Variants in PHACTR2 observed in about 807,000 individuals in gnomAD.
The protein encoded by PHACTR2 is phosphatase and actin regulator 2, also known as chromosome 6 open reading frame 56.
PHACTR2 carries 30 observed loss-of-function variants against 76.0 expected under a neutral mutation model. That is an observed-to-expected ratio of 0.39 (90% CI 0.30 to 0.54). PHACTR2 has a LOEUF of 0.54. Among genes scored for constraint, PHACTR2 ranks in the 20% least tolerant of loss-of-function variants. The probability of loss-of-function intolerance (pLI) is 0.61; values close to 1 mark genes in which losing one functional copy is unlikely to be tolerated. For missense variants in PHACTR2, 696 were observed against 781.1 expected, an observed-to-expected ratio of 0.89 and a Z score of 1.30; for synonymous variants, 292 against 292.5, an observed-to-expected ratio of 1.00 and a Z score of 0.02.
intron 2 of PHACTR2, among the ~76,000 whole-genome samples, chr6:143,736,796 G>A (rs1435626310): frequency 2.6e-5 from 4 of 151,422 alleles, no homozygotes; most frequent in South Asian, 2.1e-4. Context: ...GGATGGTCTC[G>A]ATCTCCTGAC....
At chr6:143,788,299 C>T (rs1175099633) in intron 10 of PHACTR2, among the ~76,000 whole-genome samples, 1 of 152,088 alleles carries the variant, frequency 6.6e-6, no homozygotes, top group Non-Finnish European at 1.5e-5. Flanking sequence ...TTTATTGGAC[C>T]CTTTCTATGT....
At position 143,698,547 on chromosome 6, in the gene PHACTR2, C is replaced by T. The variant is rs545625394; in HGVS notation, c.47-13469C>T. 1.3e-5 allele frequency among the ~76,000 whole-genome samples: 2 copies of T among 152,200 alleles called. No individual in the cohort carries two copies. The highest frequency in any genetic ancestry group is 4.8e-5 in the African/African-American group (2 of 41,458). ...AGACTAAACCTCTGTAGCCCTCAAA[C>T]AATTTTACCCTGAATTTTAACTCAT... On this transcript the variant is annotated intron_variant, in intron 1 of 12. Coordinates refer to ENST00000440869, the MANE Select transcript of PHACTR2 (RefSeq NM_001100164.2). The surrounding 1 kb of genome is among the most constrained non-coding windows in gnomAD (Gnocchi z 4.3).
intron 2 of PHACTR2, among the ~76,000 whole-genome samples, chr6:143,723,396 A>T (rs1778486006): frequency 6.6e-6 from 1 of 152,156 alleles, no homozygotes; most frequent in Admixed American, 6.5e-5. Flanking sequence ...GCCCTCTTTC[A>T]TGTCCTAAGA....
In PHACTR2 at chr6:143,550,995, C is replaced by T. The variant is rs1045598332; in HGVS notation, c.217+13788C>T. 2.0e-5 allele frequency among the ~76,000 whole-genome samples: 3 copies of T among 151,910 alleles called. No homozygotes were observed. The highest frequency in any genetic ancestry group is 4.4e-5 in the Non-Finnish European group (3 of 67,926). On this transcript the variant is annotated intron_variant, in intron 1 of 11. Coordinates refer to the PHACTR2 transcript ENST00000367584. This position sits in a 1 kb window ranked among gnomAD's most constrained non-coding sequence, Gnocchi z 4.8. ...TGAGACTACATGAACCATGATTGCA[C>T]CACTGCACTCCAGCCTGGGTGACAA...
chr6:143,719,596 T>C (rs1420845949), intron 2 of PHACTR2, among the ~76,000 whole-genome samples: 1 of 147,618 alleles, frequency 6.8e-6, no homozygotes, highest in Admixed American at 6.8e-5. Context: ...GTGATCCACC[T>C]GCCTCGGCCT....
chr6:143,688,917 A>G lies in PHACTR2; in HGVS notation c.46+10708A>G, dbSNP rs541750464. Among the ~76,000 whole-genome samples, 2 of 152,194 alleles carry G rather than the reference A, an allele frequency of 1.3e-5. No homozygotes were observed. The highest frequency in any genetic ancestry group is 2.1e-4 in the South Asian group (1 of 4,830). On this transcript the variant is annotated intron_variant, in intron 1 of 12. Coordinates refer to ENST00000440869, the MANE Select transcript of PHACTR2 (RefSeq NM_001100164.2). The surrounding 1 kb of genome is among the most constrained non-coding windows in gnomAD (Gnocchi z 5.2). Reference sequence around the variant, plus strand: ...GTCCTCCCACTGCACTTGGAATGAAATCCAGATTGCATAGTATGGCCCTCG... The same window carrying G: ...GTCCTCCCACTGCACTTGGAATGAAGTCCAGATTGCATAGTATGGCCCTCG...
chr6:143,799,140 C>A (rs896202253), intron 11 of PHACTR2, among the ~76,000 whole-genome samples: 23 of 152,228 alleles, frequency 1.5e-4, no homozygotes, highest in African/African-American at 5.3e-4. Context: ...AGGAATTTAT[C>A]CATTTCTTCT....
chr6:143,584,868 G>A (rs976433912), intron 1 of PHACTR2, among the ~76,000 whole-genome samples: 3 of 151,894 alleles, frequency 2.0e-5, no homozygotes, highest in Admixed American at 2.0e-4. Context: ...TAGGACTCGG[G>A]CACCAGGGAG....
At chr6:143,660,085 A>G (rs1460998227) in intron 1 of PHACTR2, among the ~76,000 whole-genome samples, 4 of 152,178 alleles carry the variant, frequency 2.6e-5, no homozygotes, top group African/African-American at 9.7e-5. Flanking sequence ...TGTTCTATTG[A>G]CAATACTGCT....
intron 6 of PHACTR2, among the ~76,000 whole-genome samples, chr6:143,771,156 ATGTATATATATATATATG>A (rs1293299935): frequency 3.0e-4 from 12 of 40,156 alleles, no homozygotes; most frequent in African/African-American, 1.1e-3. Flanking sequence ...ATATATATAT[ATGTATATATATATATATG>A]TATATATATA....
chr6:143,670,806 A>G (rs912168773), intron 1 of PHACTR2, among the ~76,000 whole-genome samples: 1 of 152,240 alleles, frequency 6.6e-6, no homozygotes, highest in African/African-American at 2.4e-5. Flanking sequence ...TTTAGCTCAG[A>G]GGAGTTTATT....
chr6:143,748,457 C>T (rs922534073), intron 2 of PHACTR2, among the ~76,000 whole-genome samples: 6 of 152,080 alleles, frequency 3.9e-5, no homozygotes, highest in South Asian at 2.1e-4. Flanking sequence ...TTAGTGAGAA[C>T]GCAGGGGAAA....
chr6:143,779,048 A>G (rs1470892641), intron 9 of PHACTR2, among the ~76,000 whole-genome samples: 2 of 152,246 alleles, frequency 1.3e-5, no homozygotes, highest in African/African-American at 4.8e-5. Context: ...ATTTCTGGAA[A>G]CAGAGGCATA....
rs147435693 is a variant in PHACTR2, at chr6:143,797,472, C to T, written c.1845+8562C>T. ...TGCCGTTTGCTTTTGGCGTTTTAGA[C>T]ATGAAGTCTTTGCCCATGCCTATGT... On this transcript the variant is annotated intron_variant, in intron 11 of 12. Transcript: ENST00000440869. Among the ~76,000 whole-genome samples the T allele has an allele frequency of 2.0e-5, 3 of 152,288 alleles. No homozygotes were observed. The East Asian group carries it at 5.8e-4, about 29-fold the overall frequency.
intron 11 of PHACTR2, among the ~76,000 whole-genome samples, chr6:143,796,508 C>A (rs892874171): frequency 8.6e-5 from 13 of 151,878 alleles, no homozygotes; most frequent in African/African-American, 3.1e-4. Flanking sequence ...GTTTGCTGCA[C>A]CCATCAACCC....
chr6:143,638,587 ACACACACACACACC>A (rs1562255748), intron 1 of PHACTR2, among the ~76,000 whole-genome samples: 1 of 150,544 alleles, frequency 6.6e-6, no homozygotes, highest in East Asian at 1.9e-4. Flanking sequence ...ACACACACAC[ACACACACACACACC>A]CAGCTATCCA....
Position 143,772,313 on chromosome 6 carries a change from C to T in PHACTR2, c.1288C>T (p.Leu430=), listed in dbSNP as rs1048998488. The change falls in exon 7 of 13, where the codon CTG becomes TTG. Residue 430 remains leucine (L), a synonymous_variant. Transcript: ENST00000440869. The surrounding 1 kb of genome is among the most constrained non-coding windows in gnomAD (Gnocchi z 5.4). ...AGTGCCTCAGCTACTGACTCCTGGG[C>T]TGATGGGCGAATCTTCAGAATCCTT... ...KTVPQLLTPG[L]MGESSESFSA... is the part of the protein sequence containing the mutation. 1 of 1,613,910 alleles carries T rather than the reference C, an allele frequency of 6.2e-7. No homozygotes were observed. Among genetic ancestry groups the T allele is most frequent in the African/African-American group, 1.3e-5 (1 of 74,920 alleles).
rs1425162914 is a variant in PHACTR2, at chr6:143,695,175, G to A, written c.47-16841G>A. 6.6e-6 allele frequency among the ~76,000 whole-genome samples: 1 copy of A among 152,190 alleles called. No homozygotes were observed. Among genetic ancestry groups the A allele is most frequent in the Non-Finnish European group, 1.5e-5 (1 of 68,032 alleles). ...TGGCGAGATACAAGCATTCTACAAA[G>A]GCTGCAAACAAGACTCACTTCTCTT... On this transcript the variant is annotated intron_variant, in intron 1 of 12. Transcript: ENST00000440869. This position sits in a 1 kb window ranked among gnomAD's most constrained non-coding sequence, Gnocchi z 4.4.
chr6:143,634,099 G>A (rs12215924), intron 1 of PHACTR2, among the ~76,000 whole-genome samples: 7,405 of 152,254 alleles, frequency 0.049, 237 homozygotes, highest in Non-Finnish European at 0.066. Context: ...TGTAGAAAAT[G>A]GCCTAGAAAA....
Sources: allele counts gnomAD v4.1 joint callset (sites outside exome capture counted in the v4.1 genomes callset), GRCh38; gene constraint gnomAD v4.1.1; non-coding constraint Gnocchi (gnomAD v3.1); transcripts MANE v1.5; gene names NCBI Gene and HGNC (gene_info 2026-07-23, HGNC 2026-07-21).